The following SPOPL variants were observed in gnomAD, a reference collection of about 807,000 sequenced individuals.
The protein encoded by SPOPL is speckle-type POZ protein-like.
In SPOPL, 23 loss-of-function variants were observed where a neutral mutation model predicts 53.8. The ratio of observed to expected loss-of-function variants is 0.43; its 90% confidence interval spans 0.31 to 0.61. The LOEUF is 0.61. SPOPL is among the 20% of genes least tolerant of loss of function. The probability of loss-of-function intolerance (pLI) is 0.12; values close to 1 mark genes in which losing one functional copy is unlikely to be tolerated. For missense variants in SPOPL, 442 were observed against 466.9 expected, an observed-to-expected ratio of 0.95 and a Z score of 0.49; for synonymous variants, 164 against 149.7, an observed-to-expected ratio of 1.10 and a Z score of -0.70.
At chr2:138,518,429 A>G (rs1221349648) in intron 1 of SPOPL, among the ~76,000 whole-genome samples, 6 of 152,232 alleles carry the variant, frequency 3.9e-5, no homozygotes, top group African/African-American at 7.2e-5. Flanking sequence ...TGAGTGAAGA[A>G]TTATTCTCTT....
intron 1 of SPOPL, among the ~76,000 whole-genome samples, chr2:138,536,953 GTTC>G (rs1210838061): frequency 6.6e-6 from 1 of 152,172 alleles, no homozygotes; most frequent in Non-Finnish European, 1.5e-5. Context: ...AGTAGCCTCA[GTTC>G]TTCTTATCTT....
At chr2:138,505,349 A>C (rs150168892) in intron 1 of SPOPL, among the ~76,000 whole-genome samples, 1,648 of 152,210 alleles carry the variant, frequency 0.011, 30 homozygotes, top group African/African-American at 0.037. Flanking sequence ...TGGATTTGTT[A>C]ACTTAACAAA....
At chr2:138,523,863 G>A (rs908283934) in intron 1 of SPOPL, among the ~76,000 whole-genome samples, 1 of 152,302 alleles carries the variant, frequency 6.6e-6, no homozygotes, top group African/African-American at 2.4e-5. Flanking sequence ...ACAGGCTGTT[G>A]TTGAGTGTCT....
Position 138,531,365 on chromosome 2 carries a change from C to T in SPOPL, c.-60-18792C>T, listed in dbSNP as rs953403855. Among the ~76,000 whole-genome samples the T allele has an allele frequency of 5.9e-5, 9 of 152,070 alleles. 1 individual carries two copies. The highest frequency in any genetic ancestry group is 1.0e-4 in the Non-Finnish European group (7 of 68,008). On this transcript the variant is annotated intron_variant, in intron 1 of 10. Transcript: ENST00000280098. ...TAAAACCTTAGAATACCTTTTTCCC[C>T]ATGAAGAACACTTTTTACTCCATTT...
At chr2:138,510,511 G>A (rs764088351) in intron 1 of SPOPL, among the ~76,000 whole-genome samples, 30 of 152,210 alleles carry the variant, frequency 2.0e-4, no homozygotes, top group Admixed American at 5.2e-4. Context: ...TCTGTTAGAG[G>A]GGTGTTGAAG....
At chr2:138,547,102 A>G (rs1308097866) in intron 1 of SPOPL, among the ~76,000 whole-genome samples, 1 of 152,108 alleles carries the variant, frequency 6.6e-6, no homozygotes. Context: ...AGTAGCTGGC[A>G]TTATAGGCGC....
chr2:138,551,194 T>A, intron 4 of SPOPL, 140 bp downstream of exon 4: 2 of 898,766 alleles, frequency 2.2e-6, no homozygotes, highest in Non-Finnish European at 3.3e-6. Flanking sequence ...GACCATTATT[T>A]AAATCCAGCA....
In SPOPL at chr2:138,568,950, T is replaced by A; in HGVS notation, c.1049T>A (p.Ile350Lys). ...CTATTTTTCAGCCAAGCAACCGACA[T>A]AATGGAAACATCAGGGTGGAAGTCC... is the stretch of plus-strand genomic sequence containing the variant. ...KNWNSNQATD[I>K]METSGWKSMI... Residue 350 changes from isoleucine to lysine, a missense_variant, in exon 11 of 11, where the codon ATA becomes AAA. Ile to Lys is a moderately radical substitution (Grantham distance 102). Coordinates refer to ENST00000280098, the MANE Select transcript of SPOPL (RefSeq NM_001001664.3). 1 of 1,613,766 alleles carries A rather than the reference T, an allele frequency of 6.2e-7. No individual in the cohort carries two copies. Among genetic ancestry groups the A allele is most frequent in the Non-Finnish European group, 8.5e-7 (1 of 1,179,834 alleles).
rs187511864 is a variant in SPOPL at position 138,562,779 on chromosome 2, A to G, written c.837+1852A>G. 4.4e-3 allele frequency among the ~76,000 whole-genome samples: 567 copies of G among 129,730 alleles called. 26 individuals are homozygous for G. The East Asian group carries it at 0.075, about 17-fold the overall frequency. The allele number at this position is 129,730 out of a possible 152,430, so 85.1% of individuals were successfully genotyped here. On this transcript the variant is annotated intron_variant, in intron 8 of 10. Coordinates refer to ENST00000280098, the MANE Select transcript of SPOPL (RefSeq NM_001001664.3). ...ATCCTGGGCAAAAGAGCAAGATTCC[A>G]TCTCAAAAAAAAAAAAAAAAAAAAG...
chr2:138,537,356 T>C (rs978185793), intron 1 of SPOPL, among the ~76,000 whole-genome samples: 6 of 152,048 alleles, frequency 3.9e-5, no homozygotes, highest in Non-Finnish European at 7.4e-5. Flanking sequence ...AGGGGATACA[T>C]GATTGGGGGC....
intron 1 of SPOPL, among the ~76,000 whole-genome samples, chr2:138,503,304 T>C (rs774115181): frequency 1.2e-4 from 19 of 152,218 alleles, no homozygotes; most frequent in Admixed American, 1.3e-4. Flanking sequence ...TTCGCCTCAG[T>C]ATACTTACAG....
chr2:138,515,760 CTT>C (rs1684424370), intron 1 of SPOPL, among the ~76,000 whole-genome samples: 1 of 152,164 alleles, frequency 6.6e-6, no homozygotes, highest in African/African-American at 2.4e-5. Flanking sequence ...CACATCGACT[CTT>C]AACTCCAGAT....
rs767722662 is a variant in SPOPL at position 138,552,538 on chromosome 2, T to A, written c.353-16T>A. 1.9e-6 allele frequency: 3 copies of A among 1,598,310 alleles called. No homozygotes were observed. Among genetic ancestry groups the A allele is most frequent in the Non-Finnish European group, 2.6e-6 (3 of 1,175,330 alleles). ...GGATATTTATTTTATTTAAACTCTATTCTGTTTTCCACCAGAAAGCCAAAG... is the reference window on the plus strand; with the variant it reads ...GGATATTTATTTTATTTAAACTCTAATCTGTTTTCCACCAGAAAGCCAAAG... On this transcript the variant is annotated splice_polypyrimidine_tract_variant and intron_variant, in intron 4 of 10. Coordinates refer to ENST00000280098, the MANE Select transcript of SPOPL (RefSeq NM_001001664.3).
At chr2:138,502,456 C>G (rs568763007) in intron 1 of SPOPL, among the ~76,000 whole-genome samples, 1 of 152,314 alleles carries the variant, frequency 6.6e-6, no homozygotes, top group South Asian at 2.1e-4. Flanking sequence ...TCCTCTATAC[C>G]TGTATACCTC....
In SPOPL at chr2:138,505,559, C is replaced by CTTAAGGT. The variant is rs1684197548; in HGVS notation, c.-61+3440_-61+3441insTTAAGGT. 2.2e-5 allele frequency among the ~76,000 whole-genome samples: 3 copies of CTTAAGGT among 138,192 alleles called. No individual in the cohort carries two copies. In the South Asian group the frequency reaches 6.6e-4, roughly 30 times the overall value. The allele number at this position is 138,192 out of a possible 152,430, so 90.7% of individuals were successfully genotyped here. A position where few individuals can be genotyped will look rare whatever the true frequency, so the allele number is the denominator to read the frequency against. Reference sequence around the variant, plus strand: ...ATCACTTAAGGTCAGGAGTTCAAGACCAGCCCGGCCAACATGGTGAAACTG... The same window carrying CTTAAGGT: ...ATCACTTAAGGTCAGGAGTTCAAGACTTAAGGTCAGCCCGGCCAACATGGTGAAACTG... On this transcript the variant is annotated intron_variant, in intron 1 of 10. Coordinates refer to ENST00000280098, the MANE Select transcript of SPOPL (RefSeq NM_001001664.3).
At chr2:138,523,117 G>A (rs1684591967) in intron 1 of SPOPL, among the ~76,000 whole-genome samples, 1 of 152,172 alleles carries the variant, frequency 6.6e-6, no homozygotes, top group Admixed American at 6.5e-5. Context: ...ACATACCTGA[G>A]ACCGGGCAGT....
chr2:138,538,123 G>A (rs1375939437), intron 1 of SPOPL, among the ~76,000 whole-genome samples: 1 of 152,090 alleles, frequency 6.6e-6, no homozygotes, highest in Non-Finnish European at 1.5e-5. Context: ...GACTTGTTTT[G>A]TGGCCTCGGT....
intron 1 of SPOPL, among the ~76,000 whole-genome samples, chr2:138,538,010 T>C (rs1239254571): frequency 1.3e-5 from 2 of 152,172 alleles, no homozygotes; most frequent in Non-Finnish European, 1.5e-5. Flanking sequence ...AGTTCCACAT[T>C]TGTGAATTTT....
rs187515961 is a variant in SPOPL at position 138,507,916 on chromosome 2, G to A, written c.-61+5797G>A. 6.6e-5 allele frequency among the ~76,000 whole-genome samples: 10 copies of A among 152,266 alleles called. No individual in the cohort carries two copies. The East Asian group carries it at 1.5e-3, about 23-fold the overall frequency. Reference sequence around the variant, plus strand: ...ATACTTACAGGTTCATTCAATAACTGATAGCATAAATATTTTAGTTATATT... The same window carrying A: ...ATACTTACAGGTTCATTCAATAACTAATAGCATAAATATTTTAGTTATATT... On this transcript the variant is annotated intron_variant, in intron 1 of 10. Coordinates refer to ENST00000280098, the MANE Select transcript of SPOPL (RefSeq NM_001001664.3).
Sources: allele counts gnomAD v4.1 joint callset (sites outside exome capture counted in the v4.1 genomes callset), GRCh38; gene constraint gnomAD v4.1.1; transcripts MANE v1.5; gene names NCBI Gene and HGNC (gene_info 2026-07-23, HGNC 2026-07-21).